The following PTPRG variants were observed in gnomAD, a reference collection of about 807,000 sequenced individuals.
PTPRG encodes the protein receptor-type tyrosine-protein phosphatase gamma.
PTPRG carries 102 observed loss-of-function variants against 165.3 expected under a neutral mutation model. The ratio of observed to expected loss-of-function variants is 0.62; its 90% CI spans 0.53 to 0.73. The LOEUF is 0.73. PTPRG is among the 30% of genes least tolerant of loss of function. The pLI is 0.00. For synonymous variants in PTPRG, 675 were observed against 669.5 expected (o/e 1.01, Z -0.13); for missense variants, 1,866 against 1,861.4 (o/e 1.00, Z -0.05).
rs532186878 is a variant in PTPRG at position 62,005,993 on chromosome 3, G to A, written c.519+2496G>A. The stretch of plus-strand genomic sequence containing the variant: ...GTTGGGATTACAGGCGTGAGCCACC[G>A]TACCTGGCCAGAGATTAATATTCTT... On this transcript the variant is annotated intron_variant, in intron 4 of 29. Transcript: ENST00000474889. Among the ~76,000 whole-genome samples, 3 of 152,062 alleles carry A rather than the reference G, an allele frequency of 2.0e-5. No individual in the cohort carries two copies. In the East Asian group the frequency reaches 5.8e-4, roughly 29 times the overall value.
At chr3:61,749,123 C>T (rs749443360) in intron 2 of PTPRG, 141 bp downstream of exon 2, 34 of 775,622 alleles carry the variant, frequency 4.4e-5, no homozygotes, top group East Asian at 4.3e-4. Flanking sequence ...TTGAAATATT[C>T]GAGCCTGTTT....
chr3:62,142,350 G>A (rs1028261644), intron 6 of PTPRG, among the ~76,000 whole-genome samples: 3 of 152,076 alleles, frequency 2.0e-5, no homozygotes, highest in South Asian at 2.1e-4. Context: ...GGATGAGAGA[G>A]TGACAAGGGG....
intron 4 of PTPRG, among the ~76,000 whole-genome samples, chr3:62,016,791 C>T (rs2041554488): frequency 6.6e-6 from 1 of 152,144 alleles, no homozygotes; most frequent in Non-Finnish European, 1.5e-5. Flanking sequence ...GACCTGGCTT[C>T]TACTCTCCCT....
chr3:62,056,862 A>G (rs1477827969), intron 4 of PTPRG, among the ~76,000 whole-genome samples: 2 of 152,172 alleles, frequency 1.3e-5, no homozygotes, highest in Non-Finnish European at 2.9e-5. Flanking sequence ...TGAGGAAGAC[A>G]AACTGTTTCT....
chr3:62,196,334 C>T lies in PTPRG; in HGVS notation c.1327+1164C>T, dbSNP rs1483288242. Among the ~76,000 whole-genome samples, 4 of 151,888 alleles carry T rather than the reference C, an allele frequency of 2.6e-5. 1 individual carries two copies. The highest frequency in any genetic ancestry group is 6.3e-3 in the Middle Eastern group (2 of 316). ...AGGAGAATCACTTGAACCTGGAAGG[C>T]GGAGGTTGCAGTGAGCTGAGATCAT... On this transcript the variant is annotated intron_variant, in intron 10 of 29. Transcript: ENST00000474889.
chr3:61,841,048 C>T (rs2107329129), intron 2 of PTPRG, among the ~76,000 whole-genome samples: 1 of 152,226 alleles, frequency 6.6e-6, no homozygotes, highest in African/African-American at 2.4e-5. Context: ...TCCCAAAGTG[C>T]TGGGATTACA....
intron 28 of PTPRG, among the ~76,000 whole-genome samples, chr3:62,285,639 T>C (rs1702622508): frequency 6.6e-6 from 1 of 152,060 alleles, no homozygotes; most frequent in African/African-American, 2.4e-5. Context: ...AGGCACAGCT[T>C]AAAGACAAAC....
chr3:61,717,256 A>G (rs2031848616), intron 1 of PTPRG, among the ~76,000 whole-genome samples: 5 of 152,352 alleles, frequency 3.3e-5, no homozygotes, highest in Admixed American at 2.6e-4. Flanking sequence ...GTTACAATTT[A>G]TTCATGCTTC....
intron 2 of PTPRG, among the ~76,000 whole-genome samples, chr3:61,785,713 T>C (rs1305249648): frequency 6.6e-6 from 1 of 152,184 alleles, no homozygotes; most frequent in Non-Finnish European, 1.5e-5. Context: ...AGAATCTTCT[T>C]AGAAATACAG....
In PTPRG at chr3:61,879,666, G is replaced by A. The variant is rs940094803; in HGVS notation, c.191-109959G>A. ...TTCTATATACAAGAGCATGTCATCT[G>A]TGAGCAGAGGTGGTTTTAATTCTTC... is the stretch of plus-strand genomic sequence containing the variant. On this transcript the variant is annotated intron_variant, in intron 2 of 29. Transcript: ENST00000474889. Among the ~76,000 whole-genome samples the A allele has an allele frequency of 2.0e-5, 3 of 152,162 alleles. No homozygotes were observed. In the East Asian group the frequency reaches 5.8e-4, roughly 29 times the overall value.
intron 5 of PTPRG, among the ~76,000 whole-genome samples, chr3:62,112,970 C>A (rs1337281332): frequency 6.6e-6 from 1 of 152,156 alleles, no homozygotes. Context: ...GCAGACCGTA[C>A]CACCTGAAGT....
At chr3:62,121,925 A>G (rs1241428783) in intron 5 of PTPRG, among the ~76,000 whole-genome samples, 3 of 152,216 alleles carry the variant, frequency 2.0e-5, no homozygotes, top group African/African-American at 7.2e-5. Context: ...CCTGCCAGGA[A>G]AGATTTTGTC....
chr3:61,827,653 C>CATATATAT (rs144940270), intron 2 of PTPRG, among the ~76,000 whole-genome samples: 12 of 151,860 alleles, frequency 7.9e-5, no homozygotes, highest in East Asian at 7.8e-4. Context: ...TGGTTGGAAG[C>CATATATAT]ATATATATAT....
intron 5 of PTPRG, among the ~76,000 whole-genome samples, chr3:62,087,676 T>C (rs1474673510): frequency 6.6e-6 from 1 of 152,296 alleles, no homozygotes; most frequent in East Asian, 1.9e-4. Context: ...ATGGCAACCA[T>C]ATATCTCCAG....
At chr3:62,159,215 C>G (rs1319614829) in intron 7 of PTPRG, among the ~76,000 whole-genome samples, 2 of 151,884 alleles carry the variant, frequency 1.3e-5, no homozygotes, top group Non-Finnish European at 2.9e-5. Flanking sequence ...CTGTTGATCC[C>G]AGCTGCTTGG....
intron 17 of PTPRG, 56 bp downstream of exon 17, chr3:62,262,950 G>A (rs140140333): frequency 1.5e-6 from 2 of 1,348,168 alleles, no homozygotes; most frequent in African/African-American, 1.5e-5. Flanking sequence ...TTTTCATGCT[G>A]GGTATAAGCT....
chr3:62,041,185 A>G (rs1700117243), intron 4 of PTPRG, among the ~76,000 whole-genome samples: 2 of 152,198 alleles, frequency 1.3e-5, no homozygotes, highest in South Asian at 2.1e-4. Context: ...TTCATTGAAC[A>G]TTTACATTTA....
At chr3:61,899,583 T>C (rs2038447764) in intron 2 of PTPRG, among the ~76,000 whole-genome samples, 1 of 152,058 alleles carries the variant, frequency 6.6e-6, no homozygotes. Flanking sequence ...GTGCTGTCTA[T>C]GGAAAAAAGG....
intron 2 of PTPRG, among the ~76,000 whole-genome samples, chr3:61,849,771 G>C (rs1559648082): frequency 6.6e-6 from 1 of 152,174 alleles, no homozygotes; most frequent in East Asian, 1.9e-4. Flanking sequence ...ACCCATAGCA[G>C]GTCCGGAAGG....
Sources: gnomAD v4.1 joint callset for allele counts (sites outside exome capture counted in the v4.1 genomes callset) on GRCh38, gnomAD v4.1.1 for gene constraint, MANE v1.5 for transcripts, NCBI Gene and HGNC (gene_info 2026-07-23, HGNC 2026-07-21) for gene names.